The following OGG1 variants were observed in gnomAD, a reference collection of about 807,000 sequenced individuals.
OGG1 encodes 8-oxoguanine DNA glycosylase.
In OGG1, 35 loss-of-function variants were observed where a neutral mutation model predicts 42.3. The observed-to-expected ratio is 0.83, with a 90% CI of 0.63 to 1.10. OGG1 has a LOEUF of 1.10. OGG1 is among the 50% of genes least tolerant of loss of function. OGG1 has a pLI of 0.00. For synonymous variants in OGG1, 189 were observed against 179.0 expected, an observed-to-expected ratio of 1.06 and a Z score of -0.44; for missense variants, 484 against 446.7, an observed-to-expected ratio of 1.08 and a Z score of -0.75.
chr3:9,755,093 A>G (rs377569446), intron 4 of OGG1, among the ~76,000 whole-genome samples: 6 of 152,194 alleles, frequency 3.9e-5, no homozygotes, highest in Admixed American at 3.9e-4. Context: ...TTCTAGAAAG[A>G]CCATTTGTTC....
chr3:9,758,104 T>G, downstream of OGG1: 1 of 432,074 alleles, frequency 2.3e-6, no homozygotes, highest in Non-Finnish European at 4.1e-6. Flanking sequence ...TAATATGTAA[T>G]AGCAAACACT....
intron 7 of OGG1, among the ~76,000 whole-genome samples, chr3:9,764,260 T>G (rs953010375): frequency 3.3e-5 from 5 of 152,216 alleles, no homozygotes; most frequent in African/African-American, 1.2e-4. Context: ...TGGCACACGG[T>G]AAATACTCAT....
intron 2 of OGG1, among the ~76,000 whole-genome samples, chr3:9,774,025 G>A (rs974229361): frequency 5.9e-5 from 9 of 152,126 alleles, no homozygotes; most frequent in African/African-American, 2.2e-4. Flanking sequence ...TCTTGAACCT[G>A]ACAGAAAAGA....
intron 2 of OGG1, among the ~76,000 whole-genome samples, chr3:9,777,331 AC>A (rs770082903): frequency 6.6e-6 from 1 of 152,174 alleles, no homozygotes; most frequent in Non-Finnish European, 1.5e-5. Flanking sequence ...CCTCATGACA[AC>A]CCAGCTTCCT....
downstream of OGG1, among the ~76,000 whole-genome samples, chr3:9,788,815 C>T (rs141364142): frequency 1.0e-2 from 1,512 of 151,854 alleles, 16 homozygotes; most frequent in Middle Eastern, 0.024. Flanking sequence ...GTTGGGATTA[C>T]AGGCGTGAGG....
At chr3:9,773,272 A>G (rs978572441) in intron 2 of OGG1, among the ~76,000 whole-genome samples, 4 of 150,836 alleles carry the variant, frequency 2.7e-5, no homozygotes, top group Non-Finnish European at 2.9e-5. Flanking sequence ...GCTAACGCCT[A>G]TAATTCCAGC....
chr3:9,767,493 G>A (rs572800664), downstream of OGG1, among the ~76,000 whole-genome samples: 28 of 152,186 alleles, frequency 1.8e-4, 1 homozygote, highest in South Asian at 1.0e-3. Context: ...AGAGCAGCCC[G>A]TGTCCCACCC....
At chr3:9,752,721 A>C (rs1259311938) in intron 3 of OGG1, among the ~76,000 whole-genome samples, 5 of 152,186 alleles carry the variant, frequency 3.3e-5, no homozygotes, top group African/African-American at 1.2e-4. Flanking sequence ...AAAGAGACAG[A>C]CTGCCTCAAA....
Position 9,783,819 on chromosome 3 carries a change from T to C in OGG1, c.382+2219T>C, listed in dbSNP as rs2078539300. ...AAAACAAATCAAATCAATCGGTCAG[T>C]CACAGATGCCTGAGCCCCACTCTGT... On this transcript the variant is annotated intron_variant, in intron 3 of 3. Transcript: ENST00000426518. 5.8e-6 allele frequency: 5 copies of C among 858,156 alleles called. No homozygotes were observed. The East Asian group carries it at 1.5e-4, about 26-fold the overall frequency. The allele number at this position is 858,156 out of a possible 1,614,324, so 53.2% of individuals were successfully genotyped here.
downstream of OGG1, chr3:9,761,779 GAAGGGGCAATCAGA>G: frequency 1.2e-6 from 2 of 1,613,664 alleles, no homozygotes; most frequent in Non-Finnish European, 1.7e-6. Context: ...GGAGGGAAGA[GAAGGGGCAATCAGA>G]GATGGTTAGA....
intron 3 of OGG1, among the ~76,000 whole-genome samples, chr3:9,754,444 G>A (rs942398170): frequency 1.3e-5 from 2 of 152,216 alleles, no homozygotes; most frequent in African/African-American, 2.4e-5. Flanking sequence ...CTCAAGGGAA[G>A]CAAGTCCTCA....
downstream of OGG1, among the ~76,000 whole-genome samples, chr3:9,769,521 AAGAC>A: frequency 6.6e-6 from 1 of 152,166 alleles, no homozygotes; most frequent in African/African-American, 2.4e-5. Context: ...CGCCTGTCCT[AAGAC>A]AGTACACTCC....
At chr3:9,783,199 C>T (rs935455435) in intron 3 of OGG1, 2 of 151,272 alleles carry the variant, frequency 1.3e-5, no homozygotes, top group Non-Finnish European at 2.9e-5. Context: ...TTTTTAATAA[C>T]AAAACTTTGG....
chr3:9,765,043 A>T (rs933513923), intron 7 of OGG1, among the ~76,000 whole-genome samples: 1 of 151,868 alleles, frequency 6.6e-6, no homozygotes, highest in Non-Finnish European at 1.5e-5. Flanking sequence ...CCTGGCCAAC[A>T]TGGCGAAACC....
intron 3 of OGG1, chr3:9,783,897 T>G: frequency 7.1e-7 from 1 of 1,410,258 alleles, no homozygotes; most frequent in Non-Finnish European, 9.3e-7. Context: ...TGCTGTTTTT[T>G]TCGAGGCTCT....
At chr3:9,760,263 A>C (rs1025947298), downstream of OGG1, 1 of 187,464 alleles carries the variant, frequency 5.3e-6, no homozygotes, top group African/African-American at 2.4e-5. Flanking sequence ...GAAAAAAAAA[A>C]AAAAGTTGTT....
Position 9,750,137 on chromosome 3 carries a change from G to A in OGG1, c.-150G>A. On this transcript the variant is annotated 5_prime_UTR_variant, in exon 1 of 7. Transcript: ENST00000344629. The stretch of plus-strand genomic sequence containing the variant: ...AAGGGCGAGGCATGCAGGAGGTGGA[G>A]GAATTAAGTGAAACAGGGAAGGTTG... 2 of 997,740 alleles carry A rather than the reference G, an allele frequency of 2.0e-6. No homozygotes were observed. Among genetic ancestry groups the A allele is most frequent in the East Asian group, 2.5e-5 (1 of 40,704 alleles). The allele number at this position is 997,740 out of a possible 1,614,324, so 61.8% of individuals were successfully genotyped here.
downstream of OGG1, chr3:9,760,555 G>A (rs1489569989): frequency 2.4e-6 from 3 of 1,236,852 alleles, no homozygotes; most frequent in Non-Finnish European, 3.5e-6. Context: ...TGTGGTGCTG[G>A]AAAATCCGAC....
chr3:9,781,382 T>C (rs780097775), intron 2 of OGG1: 1 of 402,226 alleles, frequency 2.5e-6, no homozygotes, highest in Admixed American at 2.6e-5. Flanking sequence ...CTGCAAAATA[T>C]GTACTATTAT....
Sources: gnomAD v4.1 joint callset for allele counts (sites outside exome capture counted in the v4.1 genomes callset) on GRCh38, gnomAD v4.1.1 for gene constraint, MANE v1.5 for transcripts, NCBI Gene and HGNC (gene_info 2026-07-23, HGNC 2026-07-21) for gene names.